Variants in ZFPM1 observed in about 807,000 individuals in gnomAD.
The protein encoded by ZFPM1 is zinc finger protein ZFPM1.
In ZFPM1, 28 loss-of-function variants were observed where a neutral mutation model predicts 46.3. The observed-to-expected ratio is 0.60, with a 90% CI of 0.45 to 0.83. The LOEUF (loss-of-function observed/expected upper bound fraction) is 0.83, where lower values mean the gene tolerates loss of function less well. Among genes scored for constraint, ZFPM1 ranks in the 40% least tolerant of loss-of-function variants. The pLI, the probability that ZFPM1 is intolerant of heterozygous loss-of-function variation, is 0.00. For missense variants in ZFPM1, 1,878 were observed against 1,432.4 expected, an observed-to-expected ratio of 1.31 and a Z score of -5.02; for synonymous variants, 957 against 675.9, an observed-to-expected ratio of 1.42 and a Z score of -6.45.
At chr16:88,483,797 G>A (rs966298480) in intron 1 of ZFPM1, among the ~76,000 whole-genome samples, 4 of 152,224 alleles carry the variant, frequency 2.6e-5, no homozygotes, top group Non-Finnish European at 5.9e-5. Context: ...TTGGTTTGAC[G>A]GCATCAGCCA....
intron 4 of ZFPM1, among the ~76,000 whole-genome samples, chr16:88,522,868 C>T (rs1912008304): frequency 1.3e-5 from 2 of 152,206 alleles, no homozygotes; most frequent in African/African-American, 4.8e-5. Flanking sequence ...ACCCACATCT[C>T]TGAGAGTCTT....
At chr16:88,490,928 G>T (rs1307266100) in intron 3 of ZFPM1, among the ~76,000 whole-genome samples, 3 of 152,184 alleles carry the variant, frequency 2.0e-5, no homozygotes, top group African/African-American at 7.2e-5. Flanking sequence ...GTAGAAACTT[G>T]CTGGCTGCGT....
rs1462488360 is a variant in ZFPM1 at position 88,533,450 on chromosome 16, G to A, written c.1492G>A (p.Ala498Thr). The change falls in exon 10 of 10, where the codon GCC becomes ACC. Residue 498 changes from alanine (A) to threonine (T), a missense_variant. Physicochemically the swap from Ala to Thr is moderately conservative, Grantham distance 58. Coordinates refer to ENST00000319555, the MANE Select transcript of ZFPM1 (RefSeq NM_153813.3). Reference sequence around the variant, plus strand: ...GCCGTCGCCGCGCAGCCCCGCCCCGGCCAGGGTCAAGGCCGAGCTGTCCAG... The same window carrying A: ...GCCGTCGCCGCGCAGCCCCGCCCCGACCAGGGTCAAGGCCGAGCTGTCCAG... ...RTPSPRSPAP[A>T]RVKAELSSPT... The A allele has an allele frequency of 3.5e-6, 5 of 1,442,272 alleles. No individual in the cohort carries two copies. The Admixed American group carries it at 1.4e-4, about 40-fold the overall frequency. The allele number at this position is 1,442,272 out of a possible 1,614,324, so 89.3% of individuals were successfully genotyped here. A position where few individuals can be genotyped will look rare whatever the true frequency, so the allele number is the denominator to read the frequency against.
Position 88,533,249 on chromosome 16 carries a change from A to G in ZFPM1, c.1291A>G (p.Lys431Glu). ...APTPSPGLDR[K>E]ALAEATNGEA... ...CACCCCATCGCCAGGACTGGACAGAAAGGCCCTGGCCGAGGCCACCAACGG... is the reference window on the plus strand; with the variant it reads ...CACCCCATCGCCAGGACTGGACAGAGAGGCCCTGGCCGAGGCCACCAACGG... Residue 431 changes from lysine (K) to glutamate (E), a missense_variant, in exon 10 of 10, where the codon AAG (lysine) becomes GAG (glutamate). Coordinates refer to ENST00000319555, the MANE Select transcript of ZFPM1 (RefSeq NM_153813.3). The G allele has an allele frequency of 2.6e-6, 4 of 1,558,292 alleles. No individual in the cohort carries two copies. Among genetic ancestry groups the G allele is most frequent in the Non-Finnish European group, 2.6e-6 (3 of 1,159,374 alleles).
intron 4 of ZFPM1, among the ~76,000 whole-genome samples, chr16:88,521,705 T>C (rs1402834498): frequency 9.2e-5 from 7 of 75,798 alleles, no homozygotes; most frequent in African/African-American, 3.2e-4. Flanking sequence ...TGCTGTTCCC[T>C]CTCCCCTGTG....
chr16:88,456,274 G>C (rs1465765898), intron 1 of ZFPM1, among the ~76,000 whole-genome samples: 1 of 152,200 alleles, frequency 6.6e-6, no homozygotes, highest in Admixed American at 6.5e-5. Flanking sequence ...TAGATGGTGC[G>C]AGACCGCTAG....
In ZFPM1 at chr16:88,471,651, T is replaced by G. The variant is rs1371251023; in HGVS notation, c.41-14288T>G. Among the ~76,000 whole-genome samples, 1 of 152,092 alleles carries G rather than the reference T, an allele frequency of 6.6e-6. No individual in the cohort carries two copies. Among genetic ancestry groups the G allele is most frequent in the African/African-American group, 2.4e-5 (1 of 41,398 alleles). On this transcript the variant is annotated intron_variant, in intron 1 of 9. Coordinates refer to ENST00000319555, the MANE Select transcript of ZFPM1 (RefSeq NM_153813.3). This position sits in a 1 kb window ranked among gnomAD's most constrained non-coding sequence, Gnocchi z 4.1. The stretch of plus-strand genomic sequence containing the variant: ...CAGAGGTGGGGTCAGGGCCCCAAGA[T>G]GACCGTGGCCGCGGTGGCTCCCACA...
At chr16:88,485,769 C>G (rs1489315768) in intron 1 of ZFPM1, among the ~76,000 whole-genome samples, 170 bp from the exon 2 acceptor site, 1 of 152,100 alleles carries the variant, frequency 6.6e-6, no homozygotes, top group Non-Finnish European at 1.5e-5. Flanking sequence ...AGAGGGAGCC[C>G]CCAGCTAACA....
In ZFPM1 at chr16:88,534,555, G is replaced by T; in HGVS notation, c.2597G>T (p.Arg866Leu). Residue 866 changes from arginine (R) to leucine (L), a missense_variant, in exon 10 of 10, where the codon CGC becomes CTC. Arg to Leu is a moderately radical substitution (Grantham distance 102). Coordinates refer to ENST00000319555, the MANE Select transcript of ZFPM1 (RefSeq NM_153813.3). ...TACTGCCCCCCGAACGGCCCGGTGC[G>T]CGGGGACCTGCTGGAGCATTTCCGC... is the stretch of plus-strand genomic sequence containing the variant. ...CPYCPPNGPV[R>L]GDLLEHFRLA... is the part of the protein sequence containing the mutation. 2 of 1,344,954 alleles carry T rather than the reference G, an allele frequency of 1.5e-6. No homozygotes were observed. The highest frequency in any genetic ancestry group is 1.9e-6 in the Non-Finnish European group (2 of 1,050,282). 83.3% of individuals were successfully genotyped at this position (1,344,954 alleles called of 1,614,324 possible). A position where few individuals can be genotyped will look rare whatever the true frequency, so the allele number is the denominator to read the frequency against.
Position 88,528,087 on chromosome 16 carries a change from C to T in ZFPM1, c.561C>T (p.Ser187=), listed in dbSNP as rs1455828523. Residue 187 remains serine, a synonymous_variant, in exon 6 of 10, where the codon AGC becomes AGT. Transcript: ENST00000319555. ...TKPVPAGGLL[S]VLLTAEPHST... ...CGGTGCCTGCGGGGGGACTCCTGAG[C>T]GTGCTCCTCACGGCCGAGCCCCACA... The T allele has an allele frequency of 2.5e-6, 4 of 1,572,312 alleles. No homozygotes were observed. Among genetic ancestry groups the T allele is most frequent in the Non-Finnish European group, 1.7e-6 (2 of 1,159,402 alleles).
At chr16:88,472,673 TG>T (rs1364226040) in intron 1 of ZFPM1, among the ~76,000 whole-genome samples, 2 of 152,224 alleles carry the variant, frequency 1.3e-5, no homozygotes, top group Non-Finnish European at 2.9e-5. Context: ...TTTTTTATTG[TG>T]GTAAAGTGTA....
At chr16:88,505,224 C>T (rs1267180588) in intron 3 of ZFPM1, among the ~76,000 whole-genome samples, 4 of 152,176 alleles carry the variant, frequency 2.6e-5, no homozygotes, top group African/African-American at 9.7e-5. Context: ...CAGGCTTGGC[C>T]AAGCCAAGCC....
At chr16:88,482,235 C>T (rs1252913512) in intron 1 of ZFPM1, among the ~76,000 whole-genome samples, 2 of 152,018 alleles carry the variant, frequency 1.3e-5, no homozygotes, top group Non-Finnish European at 2.9e-5. Context: ...GGCCCAAGTG[C>T]TCTGTCGCCC....
At chr16:88,456,105 C>A (rs573447148) in intron 1 of ZFPM1, among the ~76,000 whole-genome samples, 1 of 152,362 alleles carries the variant, frequency 6.6e-6, no homozygotes, top group South Asian at 2.1e-4. Flanking sequence ...GGCGTCCCTG[C>A]GCTGGTCTGT....
At chr16:88,460,655 C>A (rs1203425881) in intron 1 of ZFPM1, among the ~76,000 whole-genome samples, 1 of 152,216 alleles carries the variant, frequency 6.6e-6, no homozygotes, top group Admixed American at 6.5e-5. Context: ...CAATGCCCAC[C>A]TTAGAGACTC....
chr16:88,482,306 G>A (rs8064005), intron 1 of ZFPM1, among the ~76,000 whole-genome samples: 12,934 of 152,082 alleles, frequency 0.085, 896 homozygotes, highest in African/African-American at 0.19. Context: ...TGACTTAGGG[G>A]CTCGGTGGGG....
Position 88,475,825 on chromosome 16 carries a change from C to T in ZFPM1, c.41-10114C>T, listed in dbSNP as rs148030216. 5.5e-3 allele frequency among the ~76,000 whole-genome samples: 839 copies of T among 152,304 alleles called. 6 individuals are homozygous for T. The highest frequency in any genetic ancestry group is 9.3e-3 in the Non-Finnish European group (631 of 68,020). ...TGCCTGCAGCCGATGCTGCCTGGGA[C>T]GCACGCGTGCAGGAGGACCTGGGCC... On this transcript the variant is annotated intron_variant, in intron 1 of 9. Transcript: ENST00000319555.
At chr16:88,486,494 G>A (rs548149186) in intron 2 of ZFPM1, among the ~76,000 whole-genome samples, 23 of 152,190 alleles carry the variant, frequency 1.5e-4, no homozygotes, top group African/African-American at 5.5e-4. Context: ...GTGCACAGTG[G>A]ATGACCGCTG....
chr16:88,507,711 C>T (rs866737042), intron 3 of ZFPM1, among the ~76,000 whole-genome samples: 1 of 152,176 alleles, frequency 6.6e-6, no homozygotes, highest in African/African-American at 2.4e-5. Context: ...CTGAGGGGCC[C>T]GCATGGCTGT....
Sources: gnomAD v4.1 joint callset for allele counts (sites outside exome capture counted in the v4.1 genomes callset) on GRCh38, gnomAD v4.1.1 for gene constraint, Gnocchi (gnomAD v3.1) non-coding constraint, MANE v1.5 for transcripts, NCBI Gene and HGNC (gene_info 2026-07-23, HGNC 2026-07-21) for gene names.